AREL1: variants seen among roughly 807,000 people sequenced by gnomAD.
AREL1 encodes the protein apoptosis resistant E3 ubiquitin protein ligase 1, also known as apoptosis-resistant E3 ubiquitin protein ligase 1.
In AREL1, 62 loss-of-function variants were observed where a neutral mutation model predicts 99.0. That is an observed-to-expected ratio of 0.63 (90% CI 0.51 to 0.77). AREL1 has a LOEUF of 0.77. Ranked by LOEUF, AREL1 falls within the 30% of genes least tolerant of loss-of-function variation. The pLI is 0.00. For missense variants in AREL1, 879 were observed against 1,027.6 expected, an observed-to-expected ratio of 0.86 and a Z score of 1.98; for synonymous variants, 380 against 376.5, an observed-to-expected ratio of 1.01 and a Z score of -0.11.
intron 5 of AREL1, among the ~76,000 whole-genome samples, chr14:74,677,083 G>A (rs1022973661): frequency 1.3e-5 from 2 of 152,056 alleles, no homozygotes; most frequent in South Asian, 2.1e-4. Context: ...ACAGGCGTGA[G>A]CCACCACGCC....
Position 74,681,047 on chromosome 14 carries a change from G to A in AREL1, c.481+2249C>T, listed in dbSNP as rs147464033. ...CAAAAAATCAAAAAATTAACCGAGCGTGGTGGTGCACACTTGTAGTCCCAG... is the reference window on the plus strand; with the variant it reads ...CAAAAAATCAAAAAATTAACCGAGCATGGTGGTGCACACTTGTAGTCCCAG... On this transcript the variant is annotated intron_variant, in intron 5 of 19. Transcript: ENST00000356357. Among the ~76,000 whole-genome samples the A allele has an allele frequency of 9.9e-3, 1,510 of 152,180 alleles. 37 individuals are homozygous for A. The highest frequency in any genetic ancestry group is 0.035 in the African/African-American group (1,445 of 41,514).
intron 5 of AREL1, among the ~76,000 whole-genome samples, chr14:74,677,363 G>A (rs755332567): frequency 6.6e-6 from 1 of 151,826 alleles, no homozygotes; most frequent in Non-Finnish European, 1.5e-5. Flanking sequence ...CAGGCATGGT[G>A]GTTCATGCCT....
chr14:74,700,303 A>G (rs189497274), intron 1 of AREL1, among the ~76,000 whole-genome samples: 1 of 152,382 alleles, frequency 6.6e-6, no homozygotes. Context: ...AAGCACAGAA[A>G]GCTAAAATGA....
At chr14:74,669,875 C>G (rs369659712) in intron 14 of AREL1, 72 bp downstream of exon 14, 19 of 1,579,662 alleles carry the variant, frequency 1.2e-5, no homozygotes, top group Non-Finnish European at 1.6e-5. Context: ...AAATTATTTA[C>G]AAGCCCAGGA....
chr14:74,665,372 T>A (rs919781321), intron 17 of AREL1, among the ~76,000 whole-genome samples: 5 of 151,620 alleles, frequency 3.3e-5, no homozygotes, highest in Non-Finnish European at 5.9e-5. Context: ...CTCGGCCTCC[T>A]GAGTAGCTGG....
intron 5 of AREL1, among the ~76,000 whole-genome samples, chr14:74,682,796 CTT>C (rs1349243185): frequency 9.8e-5 from 15 of 152,322 alleles, no homozygotes; most frequent in South Asian, 4.1e-4. Context: ...CTCTCTCTCT[CTT>C]GCTCCCTCTC....
At chr14:74,691,211 T>C (rs546587187) in intron 2 of AREL1, 1 of 151,908 alleles carries the variant, frequency 6.6e-6, no homozygotes, top group South Asian at 2.1e-4. Flanking sequence ...TCCCAGTTAC[T>C]TGGGAGGCTG....
intron 17 of AREL1, among the ~76,000 whole-genome samples, chr14:74,665,842 G>A (rs544484292): frequency 3.2e-4 from 48 of 152,310 alleles, no homozygotes; most frequent in Non-Finnish European, 1.0e-4. Flanking sequence ...AACTGAGCCT[G>A]AGAAGCCTTG....
Position 74,671,487 on chromosome 14 carries a change from A to C in AREL1, c.1423-4T>G, listed in dbSNP as rs776145944. On this transcript the variant is annotated splice_region_variant and splice_polypyrimidine_tract_variant and intron_variant, in intron 11 of 19. Coordinates refer to ENST00000356357, the MANE Select transcript of AREL1 (RefSeq NM_001039479.2). ...AATTCCGAGTGGCTTTCAGAGACTG[A>C]AAAGAAGTGAAAGGAAGGGAATTGT... is the stretch of plus-strand genomic sequence containing the variant. 6.3e-6 allele frequency: 10 copies of C among 1,585,900 alleles called. No individual in the cohort carries two copies. Among genetic ancestry groups the C allele is most frequent in the Non-Finnish European group, 8.6e-6 (10 of 1,165,442 alleles).
At chr14:74,679,586 G>A (rs2089580628) in intron 5 of AREL1, among the ~76,000 whole-genome samples, 2 of 152,036 alleles carry the variant, frequency 1.3e-5, no homozygotes, top group African/African-American at 2.4e-5. Context: ...TAGCACTTTG[G>A]GAGGCCAAGG....
intron 5 of AREL1, among the ~76,000 whole-genome samples, chr14:74,681,238 C>T (rs1194179250): frequency 3.3e-5 from 5 of 151,980 alleles, no homozygotes; most frequent in Admixed American, 2.6e-4. Flanking sequence ...AACCACAAAA[C>T]CACACATCTG....
chr14:74,662,939 G>T lies in AREL1; in HGVS notation c.*781C>A. 1 of 264,760 alleles carries T rather than the reference G, an allele frequency of 3.8e-6. No individual in the cohort carries two copies. Among genetic ancestry groups the T allele is most frequent in the Non-Finnish European group, 7.1e-6 (1 of 141,150 alleles). The allele number at this position is 264,760 out of a possible 1,614,324, so 16.4% of individuals were successfully genotyped here. A position where few individuals can be genotyped will look rare whatever the true frequency, so the allele number is the denominator to read the frequency against. ...AAAAGCATCAGTAGTCTCCAAGCCA[G>T]CCATATGCCTAGGCATGCCCCACTC... On this transcript the variant is annotated 3_prime_UTR_variant, in exon 20 of 20. Transcript: ENST00000356357.
intron 12 of AREL1, among the ~76,000 whole-genome samples, 180 bp from the exon 13 acceptor site, chr14:74,671,051 T>C (rs2089326118): frequency 6.6e-6 from 1 of 152,168 alleles, no homozygotes; most frequent in Non-Finnish European, 1.5e-5. Flanking sequence ...GTAGGATTAA[T>C]GGTATTCTGA....
In AREL1 at chr14:74,670,220, C is replaced by T. The variant is rs76119092; in HGVS notation, c.1609-94G>A. 3,866 of 1,299,780 alleles carry T rather than the reference C, an allele frequency of 3.0e-3. 11 individuals are homozygous for T. Among genetic ancestry groups the T allele is most frequent in the Non-Finnish European group, 3.2e-3 (3,001 of 950,698 alleles). The allele number at this position is 1,299,780 out of a possible 1,614,324, so 80.5% of individuals were successfully genotyped here. ...CTTCCCCAACCCCATGCCAAAGGAA[C>T]AAGATGTCACTGTGAGGATCAGAGC... On this transcript the variant is annotated intron_variant, in intron 13 of 19. Transcript: ENST00000356357.
Position 74,663,905 on chromosome 14 carries a change from T to C in AREL1, c.2363A>G (p.His788Arg), listed in dbSNP as rs373837829. 1.9e-6 allele frequency: 3 copies of C among 1,614,076 alleles called. No individual in the cohort carries two copies. The highest frequency in any genetic ancestry group is 1.3e-5 in the African/African-American group (1 of 74,940). Residue 788 changes from histidine (H) to arginine (R), a missense_variant, in exon 19 of 20, where the codon CAC (histidine) becomes CGC (arginine). Physicochemically the swap from His to Arg is conservative, Grantham distance 29. Transcript: ENST00000356357. ...APTHSTLPTA[H>R]TCFNQLCLPT... is the part of the protein sequence containing the mutation. ...CAGGCGGGCAGATACCTACCATGTG[T>C]GTGCAGTAGGCAGCGTGCTATGGGT...
At chr14:74,693,087 A>T (rs556139197) in intron 1 of AREL1, among the ~76,000 whole-genome samples, 1 of 152,296 alleles carries the variant, frequency 6.6e-6, no homozygotes, top group East Asian at 1.9e-4. Context: ...GGGTTGCAGC[A>T]CAGGGTCTGG....
chr14:74,673,916 T>C (rs530732307), intron 9 of AREL1, 118 bp downstream of exon 9: 21 of 791,924 alleles, frequency 2.7e-5, no homozygotes, highest in South Asian at 1.8e-4. Flanking sequence ...CAACGAATCC[T>C]GTGTACACTG....
chr14:74,667,817 G>A (rs1273728092), intron 15 of AREL1, among the ~76,000 whole-genome samples: 1 of 152,194 alleles, frequency 6.6e-6, no homozygotes, highest in Non-Finnish European at 1.5e-5. Flanking sequence ...TTTCTGAAAT[G>A]GGTGCCTGGG....
chr14:74,667,345 C>T lies in AREL1; in HGVS notation c.2077G>A (p.Ala693Thr). 2 of 1,614,100 alleles carry T rather than the reference C, an allele frequency of 1.2e-6. No individual in the cohort carries two copies. The highest frequency in any genetic ancestry group is 8.5e-7 in the Non-Finnish European group (1 of 1,180,000). Residue 693 changes from alanine (A) to threonine (T), a missense_variant, in exon 17 of 20, where the codon GCT becomes ACT. Ala to Thr is a moderately conservative substitution (Grantham distance 58, BLOSUM62 0). Transcript: ENST00000356357. The stretch of plus-strand genomic sequence containing the variant: ...TCAAGCTCATTCTCATCAAAAATAG[C>T]CAAAAGGTTCTCAGGGACCAATTCA... ...LNELVPENLL[A>T]IFDENELELL...
Sources: allele counts gnomAD v4.1 joint callset (sites outside exome capture counted in the v4.1 genomes callset), GRCh38; gene constraint gnomAD v4.1.1; transcripts MANE v1.5; gene names NCBI Gene and HGNC (gene_info 2026-07-23, HGNC 2026-07-21).